The following MAP3K15 variants were observed in gnomAD, a reference collection of about 807,000 sequenced individuals.
MAP3K15 encodes mitogen-activated protein kinase kinase kinase 15.
In MAP3K15, 124 loss-of-function variants were observed where a neutral mutation model predicts 99.5. The ratio of observed to expected loss-of-function variants is 1.25; its 90% CI spans 1.08 to 1.45. The LOEUF (loss-of-function observed/expected upper bound fraction) is 1.45. Ranked by LOEUF, MAP3K15 falls within the 40% of genes most tolerant of loss-of-function variation. The pLI is 0.00. For missense variants in MAP3K15, 1,242 were observed against 1,079.7 expected (o/e 1.15, Z -2.11); for synonymous variants, 494 against 439.6 (o/e 1.12, Z -1.55).
At chrX:19,429,318 A>G (rs907316573) in intron 7 of MAP3K15, among the ~76,000 whole-genome samples, 1 of 110,710 alleles carries the variant, frequency 9.0e-6, no homozygotes, top group African/African-American at 3.3e-5. Flanking sequence ...TCCTGGCAAG[A>G]AAGTTAAAAA....
At chrX:19,379,689 A>G (rs2063444816) in intron 19 of MAP3K15, among the ~76,000 whole-genome samples, 1 of 110,508 alleles carries the variant, frequency 9.0e-6, no homozygotes, top group South Asian at 3.9e-4. Flanking sequence ...TGATCCACCC[A>G]TCTCGGCCTC....
intron 1 of MAP3K15, among the ~76,000 whole-genome samples, chrX:19,513,572 C>T (rs1277151497): frequency 1.8e-5 from 2 of 111,736 alleles, no homozygotes; most frequent in South Asian, 7.5e-4. Context: ...CCCTACCCCG[C>T]CCTTCCAGCT....
At chrX:19,415,718 T>TA (rs758416992) in intron 9 of MAP3K15, among the ~76,000 whole-genome samples, 2,030 of 103,788 alleles carry the variant, frequency 0.02, 46 homozygotes, top group African/African-American at 0.065. Context: ...CCTAGAAATA[T>TA]AAAAAAAAAA....
chrX:19,444,405 G>T (rs182890622), intron 6 of MAP3K15, among the ~76,000 whole-genome samples: 2 of 111,768 alleles, frequency 1.8e-5, no homozygotes, highest in African/African-American at 6.5e-5. Context: ...ATTCTCCTGA[G>T]CTGCTGTGAG....
At chrX:19,372,298 C>G (rs1043129826) in intron 22 of MAP3K15, among the ~76,000 whole-genome samples, 1 of 111,105 alleles carries the variant, frequency 9.0e-6, no homozygotes, top group African/African-American at 3.3e-5. Flanking sequence ...TCTAGCGTGT[C>G]CTACAGCTGG....
chrX:19,452,831 T>G (rs182855285), intron 6 of MAP3K15, among the ~76,000 whole-genome samples: 237 of 111,473 alleles, frequency 2.1e-3, no homozygotes, highest in Non-Finnish European at 3.6e-3. Context: ...CTTAAAACAT[T>G]ATGAGGTTTT....
intron 6 of MAP3K15, among the ~76,000 whole-genome samples, chrX:19,433,855 G>A (rs189557459): frequency 2.5e-3 from 280 of 111,832 alleles, no homozygotes; most frequent in African/African-American, 8.6e-3. Context: ...GGCACTGCTT[G>A]TAATAGTAAT....
Position 19,400,595 on chromosome X carries a change from G to A in MAP3K15, c.1913C>T (p.Thr638Ile), listed in dbSNP as rs1391158476. ...AGSTVELEGE[T>I]DGDTLEYEYD... ...ACTCACCTCCAAGGTGTCTCCATCG[G>A]TCTCTCCCTCCAGCTCCACCGTACT... The change falls in exon 14 of 29, where the codon ACC (threonine) becomes ATC (isoleucine). Residue 638 changes from threonine (T) to isoleucine (I), a missense_variant. Thr to Ile is a moderately conservative substitution (Grantham distance 89). Coordinates refer to ENST00000338883, the MANE Select transcript of MAP3K15 (RefSeq NM_001001671.4). 8.3e-7 allele frequency: 1 copy of A among 1,203,660 alleles called. No homozygotes were observed. Among genetic ancestry groups the A allele is most frequent in the African/African-American group, 1.8e-5 (1 of 56,945 alleles).
chrX:19,482,611 T>C (rs1299652016), intron 3 of MAP3K15, among the ~76,000 whole-genome samples: 3 of 111,954 alleles, frequency 2.7e-5, no homozygotes, highest in Non-Finnish European at 5.6e-5. Context: ...AGAGAGATTG[T>C]CTGCAAATAA....
chrX:19,507,472 G>C (rs1464657632), intron 1 of MAP3K15, among the ~76,000 whole-genome samples: 1 of 105,247 alleles, frequency 9.5e-6, no homozygotes, highest in Admixed American at 1.0e-4. Context: ...AGCGACTCGG[G>C]AGGCTGAGGT....
chrX:19,466,337 G>C (rs1032251202), intron 3 of MAP3K15, among the ~76,000 whole-genome samples: 1 of 111,462 alleles, frequency 9.0e-6, no homozygotes, highest in South Asian at 3.8e-4. Flanking sequence ...TGTAATCCCC[G>C]TAATCCCCAT....
chrX:19,415,142 C>G lies in MAP3K15; in HGVS notation c.1555G>C (p.Ala519Pro), dbSNP rs757216066. ...AGTCCATTAGTGACTTCATTTGTTG[C>G]CTCAAAAATTATATCTAACCAGAAG... ...LNFWLDIIFE[A>P]TNEVTNGLRF... Residue 519 changes from alanine to proline, a missense_variant, in exon 10 of 29, where the codon GCA becomes CCA. Physicochemically the swap from Ala to Pro is conservative, Grantham distance 27 (BLOSUM62 -1). Transcript: ENST00000338883. The G allele has an allele frequency of 8.5e-7, 1 of 1,174,393 alleles. No individual in the cohort carries two copies. The highest frequency in any genetic ancestry group is 1.1e-6 in the Non-Finnish European group (1 of 882,314).
chrX:19,393,629 C>T (rs1213036027), intron 16 of MAP3K15, among the ~76,000 whole-genome samples: 1 of 101,894 alleles, frequency 9.8e-6, no homozygotes, highest in African/African-American at 4.2e-5. Context: ...GACAGAGAGA[C>T]TCCATCTCAA....
intron 12 of MAP3K15, among the ~76,000 whole-genome samples, chrX:19,408,941 C>A (rs1388290762): frequency 3.6e-5 from 4 of 112,172 alleles, no homozygotes; most frequent in Non-Finnish European, 7.5e-5. Flanking sequence ...AAATACCTTA[C>A]CTTTCCTTTT....
At chrX:19,511,646 A>C (rs778204408) in intron 1 of MAP3K15, among the ~76,000 whole-genome samples, 1 of 112,352 alleles carries the variant, frequency 8.9e-6, no homozygotes, top group South Asian at 3.7e-4. Context: ...TAGAATGGCG[A>C]TCATTAAAAA....
intron 1 of MAP3K15, among the ~76,000 whole-genome samples, chrX:19,498,138 A>G (rs1267166412): frequency 9.2e-6 from 1 of 108,982 alleles, no homozygotes; most frequent in Non-Finnish European, 1.9e-5. Context: ...CATGTATCAT[A>G]TATTTCCTAA....
chrX:19,481,115 CA>C (rs60578003), intron 3 of MAP3K15, among the ~76,000 whole-genome samples: 13 of 55,261 alleles, frequency 2.4e-4, no homozygotes, highest in Admixed American at 7.6e-4. Context: ...GAACTTGTCT[CA>C]AAAAAAAAAA....
rs760609868 is a variant in MAP3K15 at position 19,400,603 on chromosome X, C to T, written c.1905G>A (p.Glu635=). Residue 635 remains glutamate, a synonymous_variant, in exon 14 of 29, where the codon GAG becomes GAA. Coordinates refer to ENST00000338883, the MANE Select transcript of MAP3K15 (RefSeq NM_001001671.4). ...TNTAGSTVEL[E]GETDGDTLEY... Reference sequence around the variant, plus strand: ...CCAAGGTGTCTCCATCGGTCTCTCCCTCCAGCTCCACCGTACTGCCTGCTG... The same window carrying T: ...CCAAGGTGTCTCCATCGGTCTCTCCTTCCAGCTCCACCGTACTGCCTGCTG... 3 of 1,206,325 alleles carry T rather than the reference C, an allele frequency of 2.5e-6. No homozygotes were observed. The highest frequency in any genetic ancestry group is 3.5e-5 in the South Asian group (2 of 56,671).
Position 19,489,676 on chromosome X carries a change from G to A in MAP3K15, c.362-709C>T, listed in dbSNP as rs948034202. On this transcript the variant is annotated intron_variant, in intron 1 of 28. Coordinates refer to ENST00000338883, the MANE Select transcript of MAP3K15 (RefSeq NM_001001671.4). ...GTCCTGTCTGTGAACTAGAAAGCAG[G>A]TCCTCACCAGACAATGAGTCTGCCG... is the stretch of plus-strand genomic sequence containing the variant. 2.7e-5 allele frequency among the ~76,000 whole-genome samples: 3 copies of A among 110,688 alleles called. No homozygotes were observed. The East Asian group carries it at 8.5e-4, about 31-fold the overall frequency.
Sources: allele counts gnomAD v4.1 joint callset (sites outside exome capture counted in the v4.1 genomes callset), GRCh38; gene constraint gnomAD v4.1.1; transcripts MANE v1.5; gene names NCBI Gene and HGNC (gene_info 2026-07-23, HGNC 2026-07-21).